Variants in RFC3 observed in about 807,000 individuals in gnomAD.
RFC3 encodes the protein A1 38 kDa subunit.
In RFC3, 41 loss-of-function variants were observed where a neutral mutation model predicts 45.1. The ratio of observed to expected loss-of-function variants is 0.91; its 90% CI spans 0.71 to 1.18. The LOEUF is 1.18. Ranked by LOEUF, RFC3 falls within the 50% of genes most tolerant of loss-of-function variation. The probability of loss-of-function intolerance (pLI) is 0.00; values close to 1 mark genes in which losing one functional copy is unlikely to be tolerated. For synonymous variants in RFC3, 149 were observed against 144.0 expected (o/e 1.03, Z -0.25); for missense variants, 423 against 428.1 (o/e 0.99, Z 0.10).
intron 8 of RFC3, among the ~76,000 whole-genome samples, chr13:33,938,809 A>G (rs1168094782): frequency 6.6e-6 from 1 of 152,122 alleles, no homozygotes; most frequent in Non-Finnish European, 1.5e-5. Context: ...TTGGGGATGC[A>G]TGTGTTCAAC....
intron 8 of RFC3, among the ~76,000 whole-genome samples, chr13:33,923,326 G>C (rs974569835): frequency 6.6e-6 from 1 of 152,068 alleles, no homozygotes; most frequent in African/African-American, 2.4e-5. Context: ...ATTGACACAG[G>C]GAGGGGGTCA....
At chr13:33,891,467 C>G (rs2082562788) in intron 8 of RFC3, among the ~76,000 whole-genome samples, 1 of 152,102 alleles carries the variant, frequency 6.6e-6, no homozygotes, top group African/African-American at 2.4e-5. Context: ...GGCAGAAACC[C>G]TGATACAATA....
intron 8 of RFC3, among the ~76,000 whole-genome samples, chr13:33,880,455 C>G (rs958682597): frequency 2.0e-5 from 3 of 152,066 alleles, no homozygotes; most frequent in Non-Finnish European, 2.9e-5. Flanking sequence ...TTGCTCTAGG[C>G]AAGACTATTC....
At chr13:33,922,777 G>T (rs146852876) in intron 8 of RFC3, among the ~76,000 whole-genome samples, 1 of 152,160 alleles carries the variant, frequency 6.6e-6, no homozygotes, top group African/African-American at 2.4e-5. Flanking sequence ...TAGAGCCAGA[G>T]TTCAAACCCA....
chr13:33,947,062 C>T (rs996830878), intron 8 of RFC3, among the ~76,000 whole-genome samples: 2 of 152,222 alleles, frequency 1.3e-5, no homozygotes, highest in Admixed American at 1.3e-4. Flanking sequence ...CCAGTGACCT[C>T]ATCTGAAAAT....
downstream of RFC3, among the ~76,000 whole-genome samples, chr13:33,838,259 A>G (rs1419761486): frequency 6.6e-6 from 1 of 152,080 alleles, no homozygotes; most frequent in East Asian, 1.9e-4. Context: ...ATTTCTAATG[A>G]TATTCCTTAC....
At chr13:33,938,836 A>G (rs917006397) in intron 8 of RFC3, among the ~76,000 whole-genome samples, 2 of 152,156 alleles carry the variant, frequency 1.3e-5, no homozygotes, top group Non-Finnish European at 2.9e-5. Context: ...AGCTACAACA[A>G]AACAGTTTTC....
chr13:33,827,321 T>C (rs1259596220), intron 4 of RFC3, among the ~76,000 whole-genome samples: 1 of 152,128 alleles, frequency 6.6e-6, no homozygotes, highest in Non-Finnish European at 1.5e-5. Flanking sequence ...GTTCTGCATT[T>C]CTAGAGTAAA....
At position 33,836,402 on chromosome 13, in the gene RFC3, C is replaced by G. The variant is rs1053960; in HGVS notation, c.*107C>G. 1 of 1,494,200 alleles carries G rather than the reference C, an allele frequency of 6.7e-7. No homozygotes were observed. Among genetic ancestry groups the G allele is most frequent in the East Asian group, 2.3e-5 (1 of 43,582 alleles). 92.6% of individuals were successfully genotyped at this position (1,494,200 alleles called of 1,614,324 possible). A position where few individuals can be genotyped will look rare whatever the true frequency, so the allele number is the denominator to read the frequency against. On this transcript the variant is annotated 3_prime_UTR_variant, in exon 9 of 9. Coordinates refer to ENST00000380071, the MANE Select transcript of RFC3 (RefSeq NM_002915.4). ...ACTGAACTTAATCATGTCGTATTTG[C>G]GTTTTTTTGGTAATAACTTCTCTGT...
At chr13:33,953,717 A>G (rs1002831981) in intron 8 of RFC3, among the ~76,000 whole-genome samples, 13 of 152,178 alleles carry the variant, frequency 8.5e-5, no homozygotes, top group African/African-American at 3.1e-4. Context: ...CAGGCCAGTT[A>G]TATTTCCAGA....
At chr13:33,916,638 G>A (rs533857493) in intron 8 of RFC3, among the ~76,000 whole-genome samples, 19 of 152,258 alleles carry the variant, frequency 1.2e-4, no homozygotes, top group African/African-American at 3.8e-4. Flanking sequence ...CTGCACAAAT[G>A]TATGTACGTA....
chr13:33,952,508 A>G (rs1401306974), intron 8 of RFC3, among the ~76,000 whole-genome samples: 1 of 152,202 alleles, frequency 6.6e-6, no homozygotes, highest in Non-Finnish European at 1.5e-5. Context: ...CAGATGCTGT[A>G]ATATCTGTCG....
chr13:33,946,819 G>A (rs1182842172), intron 8 of RFC3, among the ~76,000 whole-genome samples: 8 of 152,178 alleles, frequency 5.3e-5, no homozygotes, highest in Non-Finnish European at 1.0e-4. Context: ...TTGACAAGTG[G>A]CAGTTTCCTA....
chr13:33,935,030 T>C (rs1298435198), intron 8 of RFC3, among the ~76,000 whole-genome samples: 1 of 152,190 alleles, frequency 6.6e-6, no homozygotes, highest in Non-Finnish European at 1.5e-5. Context: ...GACTTCCTTG[T>C]TTGGAAAGTC....
chr13:33,911,960 A>ATAC (rs1440688010), intron 8 of RFC3, among the ~76,000 whole-genome samples: 1 of 152,094 alleles, frequency 6.6e-6, no homozygotes, highest in Admixed American at 6.6e-5. Context: ...TCCACACTTG[A>ATAC]TACTACCACT....
At chr13:33,916,453 G>A (rs2082734146) in intron 8 of RFC3, among the ~76,000 whole-genome samples, 1 of 152,128 alleles carries the variant, frequency 6.6e-6, no homozygotes, top group Non-Finnish European at 1.5e-5. Context: ...ATGTCTCAAA[G>A]AGGACTGGAT....
chr13:33,858,841 A>C (rs1421734077), intron 8 of RFC3, among the ~76,000 whole-genome samples: 1 of 152,236 alleles, frequency 6.6e-6, no homozygotes, highest in African/African-American at 2.4e-5. Context: ...GATTAGAGAA[A>C]GAATTTATCC....
At chr13:33,884,531 A>C (rs1289293097) in intron 8 of RFC3, among the ~76,000 whole-genome samples, 1 of 152,308 alleles carries the variant, frequency 6.6e-6, no homozygotes. Flanking sequence ...CGTCAGAAAT[A>C]TGCTGGAGAT....
chr13:33,854,644 TG>T (rs1265622127), intron 8 of RFC3, among the ~76,000 whole-genome samples: 2 of 152,120 alleles, frequency 1.3e-5, no homozygotes, highest in East Asian at 3.9e-4. Context: ...TAAGAATGGC[TG>T]CCCCTGAGAG....
Sources: gnomAD v4.1 joint callset for allele counts (sites outside exome capture counted in the v4.1 genomes callset) on GRCh38, gnomAD v4.1.1 for gene constraint, MANE v1.5 for transcripts, NCBI Gene and HGNC (gene_info 2026-07-23, HGNC 2026-07-21) for gene names.